The following CLTC variants were observed in gnomAD, a reference collection of about 807,000 sequenced individuals.
CLTC encodes clathrin heavy chain.
A neutral mutation model predicts 195.8 loss-of-function variants in CLTC; 16 were observed. The observed-to-expected ratio is 0.08, with a 90% confidence interval of 0.06 to 0.12. CLTC has a LOEUF of 0.12. CLTC is among the 10% of genes least tolerant of loss of function. The pLI, the probability that CLTC is intolerant of heterozygous loss-of-function variation, is 1.00. For synonymous variants in CLTC, 667 were observed against 689.4 expected (o/e 0.97, Z 0.51); for missense variants, 796 against 2,027.0 (o/e 0.39, Z 11.66).
chr17:59,690,814 GCTTTCT>G, intron 31 of CLTC, 103 bp downstream of exon 31: 1 of 834,586 alleles, frequency 1.2e-6, no homozygotes, highest in Non-Finnish European at 1.9e-6. Flanking sequence ...AGTGCAAAAG[GCTTTCT>G]AAGAAATACT....
In CLTC at chr17:59,681,325, A is replaced by G; in HGVS notation, c.3096A>G (p.Ala1032=). 6.2e-7 allele frequency: 1 copy of G among 1,613,954 alleles called. No homozygotes were observed. Among genetic ancestry groups the G allele is most frequent in the Non-Finnish European group, 8.5e-7 (1 of 1,179,900 alleles). ...RNLQNLLILT[A]IKADRTRVME... is the part of the protein sequence containing the mutation. ...TGCAAAACCTCCTTATCCTCACTGC[A>G]ATTAAGGCTGACCGTACACGTGTTA... The change falls in exon 20 of 32, where the codon GCA becomes GCG. Residue 1032 remains alanine (A), a synonymous_variant. Coordinates refer to ENST00000269122, the MANE Select transcript of CLTC (RefSeq NM_004859.4). The surrounding 1 kb of genome is among the most constrained non-coding windows in gnomAD (Gnocchi z 5.0).
intron 18 of CLTC, 67 bp downstream of exon 18, chr17:59,679,586 C>T: frequency 7.0e-7 from 1 of 1,420,668 alleles, no homozygotes; most frequent in Non-Finnish European, 9.5e-7. Context: ...GAATACAATC[C>T]TTTCCCTCAT....
In CLTC at chr17:59,682,949, C is replaced by T. The variant is rs2033109587; in HGVS notation, c.3808C>T (p.Gln1270Ter). 1 of 1,613,050 alleles carries T rather than the reference C, an allele frequency of 6.2e-7. No homozygotes were observed. Among genetic ancestry groups the T allele is most frequent in the Non-Finnish European group, 8.5e-7 (1 of 1,179,802 alleles). ...CVDGKEFRLA[Q>*]MCGLHIVVHA... ...AGATGGGAAAGAATTCCGTCTTGCT[C>T]AGATGTGTGGACTTCATATTGTTGT... Residue 1270 changes from glutamine to a stop codon, truncating the protein, a stop_gained, in exon 24 of 32, where the codon CAG becomes TAG. Coordinates refer to ENST00000269122, the MANE Select transcript of CLTC (RefSeq NM_004859.4). LOFTEE classifies it high-confidence loss of function. This position sits in a 1 kb window ranked among gnomAD's most constrained non-coding sequence, Gnocchi z 6.8.
At chr17:59,624,934 T>G (rs970681722) in intron 1 of CLTC, among the ~76,000 whole-genome samples, 3 of 152,280 alleles carry the variant, frequency 2.0e-5, no homozygotes, top group East Asian at 1.9e-4. Flanking sequence ...CCTCCCAAAG[T>G]GCTGGGATTA....
At chr17:59,622,893 G>C (rs1164714397) in intron 1 of CLTC, among the ~76,000 whole-genome samples, 3 of 152,196 alleles carry the variant, frequency 2.0e-5, no homozygotes, top group African/African-American at 7.2e-5. Context: ...TGTCATCAAA[G>C]CTTGGACCTA....
chr17:59,696,215 A>T lies in CLTC; in HGVS notation c.*2363A>T, dbSNP rs2033420002. On this transcript the variant is annotated 3_prime_UTR_variant, in exon 32 of 32. Transcript: ENST00000269122. Reference sequence around the variant, plus strand: ...GCAGCCAGTAAACATTCTGTTTAGAAATAGTTGCTATTGTGGCATCATTCA... The same window carrying T: ...GCAGCCAGTAAACATTCTGTTTAGATATAGTTGCTATTGTGGCATCATTCA... 1.4e-5 allele frequency: 3 copies of T among 220,402 alleles called. No individual in the cohort carries two copies. 13.7% of individuals were successfully genotyped at this position (220,402 alleles called of 1,614,324 possible).
Position 59,685,448 on chromosome 17 carries a change from A to G in CLTC, c.4606-139A>G. 6 of 875,856 alleles carry G rather than the reference A, an allele frequency of 6.9e-6. No homozygotes were observed. Among genetic ancestry groups the G allele is most frequent in the Non-Finnish European group, 1.0e-5 (6 of 591,446 alleles). 54.3% of individuals were successfully genotyped at this position (875,856 alleles called of 1,614,324 possible). ...AGCTTATCTCTTCTTTGAAAATTTT[A>G]ATTTAAATGATACAACTAGGAGGCT... On this transcript the variant is annotated intron_variant, in intron 29 of 31. Transcript: ENST00000269122. This position sits in a 1 kb window ranked among gnomAD's most constrained non-coding sequence, Gnocchi z 5.0.
At chr17:59,638,438 C>T (rs1472871432) in intron 1 of CLTC, among the ~76,000 whole-genome samples, 1 of 152,084 alleles carries the variant, frequency 6.6e-6, no homozygotes, top group Non-Finnish European at 1.5e-5. Flanking sequence ...ATACTGTCAT[C>T]TCAAATGTTT....
At position 59,648,353 on chromosome 17, in the gene CLTC, A is replaced by C; in HGVS notation, c.633A>C (p.Glu211Asp). 1 of 1,614,180 alleles carries C rather than the reference A, an allele frequency of 6.2e-7. No homozygotes were observed. Among genetic ancestry groups the C allele is most frequent in the Non-Finnish European group, 8.5e-7 (1 of 1,179,998 alleles). ...AGTTTAAGATGGAAGGAAATGCAGA[A>C]GAATCAACGTTATTTTGTTTTGCAG... ...FAQFKMEGNA[E>D]ESTLFCFAVR... is the part of the protein sequence containing the mutation. The change falls in exon 4 of 32, where the codon GAA becomes GAC. Residue 211 changes from glutamate (E) to aspartate (D), a missense_variant. Around this residue, in one of 9 missense-constraint regions of CLTC, gnomAD observed 293 missense variants for 795.6 expected, o/e 0.37. Coordinates refer to ENST00000269122, the MANE Select transcript of CLTC (RefSeq NM_004859.4). The surrounding 1 kb of genome is among the most constrained non-coding windows in gnomAD (Gnocchi z 4.5).
rs983916043 is a variant in CLTC, at chr17:59,666,298, C to T, written c.1782+58C>T. 1.3e-5 allele frequency: 21 copies of T among 1,587,550 alleles called. No individual in the cohort carries two copies. Among genetic ancestry groups the T allele is most frequent in the South Asian group, 6.7e-5 (6 of 89,742 alleles). On this transcript the variant is annotated intron_variant, in intron 11 of 31. Coordinates refer to ENST00000269122, the MANE Select transcript of CLTC (RefSeq NM_004859.4). The surrounding 1 kb of genome is among the most constrained non-coding windows in gnomAD (Gnocchi z 4.9). ...CAACATTGTTTTAGTAATTGTGCAG[C>T]GCCTCTCAGATTGTTATGCAAAGCT...
In CLTC at chr17:59,693,810, ACCG is replaced by A; in HGVS notation, c.4987_4989del (p.Pro1663del). On this transcript the variant is annotated inframe_deletion, in exon 32 of 32. Coordinates refer to ENST00000269122, the MANE Select transcript of CLTC (RefSeq NM_004859.4). ...CTTTTGGTTATGGTTATACCGCACC[ACCG>A]TATGGACAGCCACAGCCTGGCTTTG... is the stretch of plus-strand genomic sequence containing the variant. 1.2e-6 allele frequency: 2 copies of A among 1,613,446 alleles called. No homozygotes were observed. The highest frequency in any genetic ancestry group is 1.7e-6 in the Non-Finnish European group (2 of 1,179,684).
chr17:59,647,829 T>A (rs2143506771), intron 3 of CLTC, among the ~76,000 whole-genome samples, 163 bp downstream of exon 3: 1 of 152,216 alleles, frequency 6.6e-6, no homozygotes, highest in Middle Eastern at 3.4e-3. Context: ...CTCTTCTCCT[T>A]CCTCCCTCCC....
chr17:59,679,867 G>A (rs190408716), intron 18 of CLTC, among the ~76,000 whole-genome samples: 176 of 151,956 alleles, frequency 1.2e-3, no homozygotes, highest in Non-Finnish European at 1.7e-3. Flanking sequence ...TCAGGAGTTC[G>A]AGACCAGCCT....
At chr17:59,654,487 A>G (rs2032414415) in intron 5 of CLTC, among the ~76,000 whole-genome samples, 1 of 138,884 alleles carries the variant, frequency 7.2e-6, no homozygotes, top group Admixed American at 7.3e-5. Context: ...TGTGTATAAC[A>G]TTTTTCTTTT....
At chr17:59,640,341 C>T (rs956559703) in intron 1 of CLTC, among the ~76,000 whole-genome samples, 2 of 151,728 alleles carry the variant, frequency 1.3e-5, no homozygotes, top group African/African-American at 4.8e-5. Context: ...TCTTACCTAC[C>T]TTATTTGAAG....
intron 17 of CLTC, 59 bp downstream of exon 17, chr17:59,677,247 G>C: frequency 7.6e-7 from 1 of 1,316,146 alleles, no homozygotes; most frequent in Non-Finnish European, 1.1e-6. Context: ...TGTTACATGA[G>C]AGTTTCAGGG....
At chr17:59,646,079 T>G (rs1021275292) in intron 2 of CLTC, 14 of 621,988 alleles carry the variant, frequency 2.3e-5, no homozygotes, top group African/African-American at 1.6e-4. Context: ...AAGAATAAAT[T>G]GAAAAGATTT....
At chr17:59,679,357 T>A (rs1386003266) in intron 17 of CLTC, 40 bp from the exon 18 acceptor site, 4 of 1,535,418 alleles carry the variant, frequency 2.6e-6, no homozygotes, top group Middle Eastern at 1.7e-4. Flanking sequence ...AAAAGTCCTT[T>A]ACTTTTTACC....
intron 3 of CLTC, 25 bp downstream of exon 3, chr17:59,647,691 G>A (rs2143506386): frequency 6.3e-7 from 1 of 1,597,572 alleles, no homozygotes; most frequent in Non-Finnish European, 8.6e-7. Context: ...ATTTTTTTAT[G>A]AAGAAGAGGT....
Sources: gnomAD v4.1 joint callset for allele counts (sites outside exome capture counted in the v4.1 genomes callset) on GRCh38, gnomAD v4.1.1 for gene constraint, gnomAD v4.1.1 regional missense constraint, Gnocchi (gnomAD v3.1) non-coding constraint, MANE v1.5 for transcripts, NCBI Gene and HGNC (gene_info 2026-07-23, HGNC 2026-07-21) for gene names.